The following PDE4D variants were observed in gnomAD, a reference collection of about 807,000 sequenced individuals.
The protein encoded by PDE4D is phosphodiesterase 4D.
In PDE4D, 24 loss-of-function variants were observed where a neutral mutation model predicts 87.4. The ratio of observed to expected loss-of-function variants is 0.27; its 90% CI spans 0.20 to 0.39. The LOEUF is 0.39. Ranked by LOEUF, PDE4D falls within the 10% of genes least tolerant of loss-of-function variation. The pLI is 1.00. For synonymous variants in PDE4D, 384 were observed against 383.2 expected, an observed-to-expected ratio of 1.00 and a Z score of -0.02; for missense variants, 714 against 1,041.0, an observed-to-expected ratio of 0.69 and a Z score of 4.32.
chr5:59,256,050 A>G (rs1760908235), intron 1 of PDE4D, among the ~76,000 whole-genome samples: 1 of 152,104 alleles, frequency 6.6e-6, no homozygotes, highest in African/African-American at 2.4e-5. Flanking sequence ...ACAAGTACAT[A>G]GAGTAAATGT....
chr5:59,538,077 G>A (rs919221076), intron 1 of PDE4D, among the ~76,000 whole-genome samples: 3 of 152,208 alleles, frequency 2.0e-5, no homozygotes, highest in African/African-American at 7.2e-5. Flanking sequence ...GGTCTTGTTA[G>A]TTGGCAGGCA....
intron 1 of PDE4D, among the ~76,000 whole-genome samples, chr5:59,259,535 T>G (rs1205064542): frequency 6.6e-6 from 1 of 151,930 alleles, no homozygotes; most frequent in Admixed American, 6.6e-5. Flanking sequence ...CAAAAAGGAA[T>G]ATTTATAAAG....
rs116811251 is a variant in PDE4D, at chr5:59,259,177, C to T, written c.456-43209G>A. Among the ~76,000 whole-genome samples the T allele has an allele frequency of 3.9e-3, 596 of 151,850 alleles. 2 individuals carry two copies. The highest frequency in any genetic ancestry group is 6.9e-3 in the Non-Finnish European group (470 of 67,860). Reference sequence around the variant, plus strand: ...TTTTTCCCTTCTAATAATAAACTGGCTAGCATTTTTTTTGGTTTGCTGTGT... The same window carrying T: ...TTTTTCCCTTCTAATAATAAACTGGTTAGCATTTTTTTTGGTTTGCTGTGT... On this transcript the variant is annotated intron_variant, in intron 1 of 14. Coordinates refer to ENST00000340635, the MANE Select transcript of PDE4D (RefSeq NM_001104631.2).
chr5:60,508,578 C>T (rs1360332150), intron 1 of PDE4D, among the ~76,000 whole-genome samples: 1 of 152,192 alleles, frequency 6.6e-6, no homozygotes, highest in Non-Finnish European at 1.5e-5. Flanking sequence ...AAAATGTTTA[C>T]AGAGTTGATT....
In PDE4D at chr5:60,070,254, G is replaced by A. The variant is rs1407099466; in HGVS notation, c.43-81537C>T. Among the ~76,000 whole-genome samples the A allele has an allele frequency of 3.3e-5, 5 of 151,960 alleles. 1 individual carries two copies. The highest frequency in any genetic ancestry group is 3.3e-4 in the Admixed American group (5 of 15,236). Reference sequence around the variant, plus strand: ...CAGTGAAAGTGGGCATCCTTGTCTTGTTTCTAATCTTAGAGGAAAAGCCTT... The same window carrying A: ...CAGTGAAAGTGGGCATCCTTGTCTTATTTCTAATCTTAGAGGAAAAGCCTT... On this transcript the variant is annotated intron_variant, in intron 2 of 16. Transcript: ENST00000502484.
At chr5:59,086,774 C>A (rs1200668848) in intron 5 of PDE4D, among the ~76,000 whole-genome samples, 1 of 152,208 alleles carries the variant, frequency 6.6e-6, no homozygotes, top group Non-Finnish European at 1.5e-5. Flanking sequence ...AGTCCTCCCT[C>A]TCTCAAGCCT....
chr5:59,429,405 G>T (rs189742353), intron 1 of PDE4D, among the ~76,000 whole-genome samples: 6 of 152,258 alleles, frequency 3.9e-5, no homozygotes, highest in South Asian at 2.1e-4. Flanking sequence ...TGAAGGTTTA[G>T]AAACTTTTTA....
chr5:59,162,853 C>CA (rs368976708), intron 5 of PDE4D, among the ~76,000 whole-genome samples: 72 of 121,582 alleles, frequency 5.9e-4, no homozygotes, highest in South Asian at 2.6e-3. Context: ...GACCCTGCAT[C>CA]AAAAAAAAAA....
At chr5:60,411,688 C>G (rs774568449) in intron 1 of PDE4D, among the ~76,000 whole-genome samples, 5 of 152,078 alleles carry the variant, frequency 3.3e-5, no homozygotes, top group African/African-American at 1.2e-4. Flanking sequence ...TTTAAAAGAT[C>G]GGCTCTAAAT....
At position 59,215,220 on chromosome 5, in the gene PDE4D, T is replaced by G. The variant is rs549439687; in HGVS notation, c.647+557A>C. On this transcript the variant is annotated intron_variant, in intron 2 of 14. Transcript: ENST00000340635. ...ATATCTTAAATGATATTCAAGTCTG[T>G]CTAATGTTTTCTGTGCTTGCCTCTC... Among the ~76,000 whole-genome samples the G allele has an allele frequency of 2.6e-5, 4 of 152,044 alleles. No individual in the cohort carries two copies. In the South Asian group the frequency reaches 8.3e-4, roughly 32 times the overall value.
At chr5:60,376,885 C>T (rs1225367148) in intron 1 of PDE4D, among the ~76,000 whole-genome samples, 5 of 152,216 alleles carry the variant, frequency 3.3e-5, no homozygotes, top group African/African-American at 1.2e-4. Context: ...GATCCATGGT[C>T]CTTCAACACT....
chr5:59,507,991 C>T (rs1288013744), intron 1 of PDE4D, among the ~76,000 whole-genome samples: 5 of 152,230 alleles, frequency 3.3e-5, no homozygotes, highest in South Asian at 2.1e-4. Context: ...ACAAAATTTG[C>T]TCTAAAATTA....
At chr5:59,034,979 G>A (rs1758245709) in intron 6 of PDE4D, among the ~76,000 whole-genome samples, 2 of 152,228 alleles carry the variant, frequency 1.3e-5, no homozygotes, top group Non-Finnish European at 2.9e-5. Flanking sequence ...AAGGCCTGGT[G>A]AAATGTGCAT....
At chr5:59,114,590 T>C (rs1170478786) in intron 5 of PDE4D, among the ~76,000 whole-genome samples, 1 of 151,936 alleles carries the variant, frequency 6.6e-6, no homozygotes, top group East Asian at 1.9e-4. Context: ...AATGCACAAG[T>C]CAGTCTTGGA....
intron 1 of PDE4D, among the ~76,000 whole-genome samples, chr5:59,759,595 G>C (rs1761723772): frequency 6.6e-6 from 1 of 152,132 alleles, no homozygotes; most frequent in Admixed American, 6.5e-5. Flanking sequence ...CAGGTCTTTT[G>C]ATTTCGTGGA....
At position 59,060,683 on chromosome 5, in the gene PDE4D, C is replaced by T. The variant is rs538374553; in HGVS notation, c.809-21712G>A. ...TTAGTCTTAAGAAGAAGTATGTTCA[C>T]ATAGGCCAGGCTGAGACTTGGATGT... On this transcript the variant is annotated intron_variant, in intron 5 of 14. Coordinates refer to ENST00000340635, the MANE Select transcript of PDE4D (RefSeq NM_001104631.2). Among the ~76,000 whole-genome samples the T allele has an allele frequency of 3.3e-5, 5 of 152,208 alleles. No homozygotes were observed. In the East Asian group the frequency reaches 9.7e-4, roughly 29 times the overall value.
At chr5:60,200,657 T>C (rs958168430) in intron 1 of PDE4D, among the ~76,000 whole-genome samples, 1 of 152,140 alleles carries the variant, frequency 6.6e-6, no homozygotes, top group Non-Finnish European at 1.5e-5. Flanking sequence ...GAAATTTCAG[T>C]CCATTTATTT....
At chr5:59,852,103 G>A (rs1202646625) in intron 1 of PDE4D, among the ~76,000 whole-genome samples, 1 of 152,020 alleles carries the variant, frequency 6.6e-6, no homozygotes, top group African/African-American at 2.4e-5. Flanking sequence ...ATAATAGAAT[G>A]AGACTCTTGG....
At chr5:60,407,603 G>GCACCACACCCAGCTAATTTTTGTATTT (rs1741667325) in intron 1 of PDE4D, among the ~76,000 whole-genome samples, 6 of 151,020 alleles carry the variant, frequency 4.0e-5, no homozygotes, top group Admixed American at 2.6e-4. Context: ...CAGGCGCACG[G>GCACCACACCCAGCTAATTTTTGTATTT]CACCACACCC....
Sources: gnomAD v4.1 joint callset for allele counts (sites outside exome capture counted in the v4.1 genomes callset) on GRCh38, gnomAD v4.1.1 for gene constraint, MANE v1.5 for transcripts, NCBI Gene and HGNC (gene_info 2026-07-23, HGNC 2026-07-21) for gene names.